Variants in SLCO5A1 observed in about 807,000 individuals in gnomAD.
SLCO5A1 encodes the protein organic anion transporter polypeptide-related protein 4.
A neutral mutation model predicts 65.1 loss-of-function variants in SLCO5A1; 39 were observed. The observed-to-expected ratio is 0.60, with a 90% CI of 0.46 to 0.78. The LOEUF is 0.78. SLCO5A1 is among the 30% of genes least tolerant of loss of function. The pLI is 0.00. For missense variants in SLCO5A1, 1,029 were observed against 1,069.4 expected, an observed-to-expected ratio of 0.96 and a Z score of 0.53; for synonymous variants, 438 against 415.7, an observed-to-expected ratio of 1.05 and a Z score of -0.65.
At chr8:69,801,915 T>G (rs1819755942) in intron 2 of SLCO5A1, among the ~76,000 whole-genome samples, 1 of 152,196 alleles carries the variant, frequency 6.6e-6, no homozygotes, top group Non-Finnish European at 1.5e-5. Flanking sequence ...ATCTTCCACC[T>G]CCAAACTCTG....
intron 2 of SLCO5A1, 122 bp downstream of exon 2, chr8:69,831,645 A>T (rs1821156956): frequency 2.7e-6 from 3 of 1,106,064 alleles, no homozygotes; most frequent in Non-Finnish European, 2.5e-6. Context: ...AACGTAAAAT[A>T]AAGTGAACTT....
At chr8:69,816,242 G>A (rs1328380825) in intron 2 of SLCO5A1, among the ~76,000 whole-genome samples, 1 of 152,066 alleles carries the variant, frequency 6.6e-6, no homozygotes, top group Non-Finnish European at 1.5e-5. Flanking sequence ...TCCTAAACAC[G>A]ATGAAATACC....
intron 2 of SLCO5A1, among the ~76,000 whole-genome samples, chr8:69,791,563 C>T (rs1819270061): frequency 6.6e-6 from 1 of 152,044 alleles, no homozygotes; most frequent in South Asian, 2.1e-4. Flanking sequence ...TCTCTCCTTC[C>T]AAGTCTGCAG....
rs559306475 is a variant in SLCO5A1 at position 69,734,696 on chromosome 8, G to A, written c.1423+3344C>T. Among the ~76,000 whole-genome samples the A allele has an allele frequency of 2.3e-4, 35 of 152,270 alleles. No homozygotes were observed. The South Asian group carries it at 5.8e-3, about 25-fold the overall frequency. On this transcript the variant is annotated intron_variant, in intron 5 of 9. Transcript: ENST00000260126. ...GCTTCCTCTCTATCCATAACACAAC[G>A]CAAACAAATTGCAGTGAAGGTCAGG...
intron 5 of SLCO5A1, among the ~76,000 whole-genome samples, chr8:69,732,150 A>C (rs938614502): frequency 6.6e-6 from 1 of 152,212 alleles, no homozygotes; most frequent in Non-Finnish European, 1.5e-5. Context: ...GCTGTAAATC[A>C]CTTCAACCAA....
At chr8:69,713,193 A>G (rs570490690) in intron 5 of SLCO5A1, among the ~76,000 whole-genome samples, 14 of 152,258 alleles carry the variant, frequency 9.2e-5, no homozygotes, top group African/African-American at 2.9e-4. Context: ...ACAGGCTCTT[A>G]GAATCTTAGA....
chr8:69,675,554 A>G (rs897384091), intron 9 of SLCO5A1, among the ~76,000 whole-genome samples: 5 of 152,150 alleles, frequency 3.3e-5, no homozygotes, highest in Admixed American at 1.3e-4. Context: ...TGATAGCCTC[A>G]GAGTCTTATT....
rs755531160 is a variant in SLCO5A1 at position 69,673,101 on chromosome 8, T to TGCCTCC, written c.2309_2314dup (p.Arg770_Arg771dup). On this transcript the variant is annotated inframe_insertion, in exon 10 of 10. Coordinates refer to ENST00000260126, the MANE Select transcript of SLCO5A1 (RefSeq NM_030958.3). ...CACGGTGCTCAGGGGAAATTCTCTCTGCCTCCGCCTCTGCAGTCCATCCTC... is the reference window on the plus strand; with the variant it reads ...CACGGTGCTCAGGGGAAATTCTCTCTGCCTCCGCCTCCGCCTCTGCAGTCCATCCTC... 1 of 1,614,256 alleles carries TGCCTCC rather than the reference T, an allele frequency of 6.2e-7. No homozygotes were observed. Among genetic ancestry groups the TGCCTCC allele is most frequent in the Non-Finnish European group, 8.5e-7 (1 of 1,180,042 alleles).
intron 9 of SLCO5A1, among the ~76,000 whole-genome samples, chr8:69,674,415 C>T (rs1813464545): frequency 6.6e-6 from 1 of 152,024 alleles, no homozygotes; most frequent in South Asian, 2.1e-4. Context: ...GTGAGTGATA[C>T]GTTTTAAATA....
At chr8:69,682,885 T>C (rs1373484286) in intron 6 of SLCO5A1, among the ~76,000 whole-genome samples, 1 of 152,152 alleles carries the variant, frequency 6.6e-6, no homozygotes, top group African/African-American at 2.4e-5. Flanking sequence ...CTCTAGACAA[T>C]CAAAATGAAG....
At chr8:69,834,481 C>T (rs2130934435) in intron 1 of SLCO5A1, among the ~76,000 whole-genome samples, 1 of 152,304 alleles carries the variant, frequency 6.6e-6, no homozygotes, top group East Asian at 1.9e-4. Flanking sequence ...GCCAGCCACT[C>T]ACAATCCCGG....
intron 6 of SLCO5A1, among the ~76,000 whole-genome samples, chr8:69,688,617 T>G (rs1179575331): frequency 6.6e-6 from 1 of 152,050 alleles, no homozygotes; most frequent in Non-Finnish European, 1.5e-5. Flanking sequence ...GATAGTTTAC[T>G]GAGAATGATG....
chr8:69,749,545 G>A (rs934049732), intron 4 of SLCO5A1, among the ~76,000 whole-genome samples: 7 of 151,964 alleles, frequency 4.6e-5, no homozygotes, highest in African/African-American at 1.7e-4. Context: ...TTGAGCCTTG[G>A]AGGCGGAGGT....
At chr8:69,741,135 T>C (rs1816773301) in intron 4 of SLCO5A1, among the ~76,000 whole-genome samples, 1 of 152,204 alleles carries the variant, frequency 6.6e-6, no homozygotes, top group South Asian at 2.1e-4. Flanking sequence ...CTTTGCATTT[T>C]TGTACTTTTT....
At chr8:69,726,983 T>A (rs892726755) in intron 5 of SLCO5A1, among the ~76,000 whole-genome samples, 3 of 152,204 alleles carry the variant, frequency 2.0e-5, no homozygotes, top group African/African-American at 7.2e-5. Context: ...TACTAATAGC[T>A]ACTTTCCAGG....
intron 2 of SLCO5A1, among the ~76,000 whole-genome samples, chr8:69,808,014 G>T (rs573139690): frequency 6.6e-6 from 1 of 152,134 alleles, no homozygotes; most frequent in East Asian, 1.9e-4. Flanking sequence ...AGAATTTCCT[G>T]GTTTTTAAGG....
intron 2 of SLCO5A1, among the ~76,000 whole-genome samples, chr8:69,828,386 A>G (rs1025695375): frequency 6.6e-6 from 1 of 152,106 alleles, no homozygotes; most frequent in Non-Finnish European, 1.5e-5. Flanking sequence ...GTGGATCACG[A>G]GGTCAGGAGA....
At chr8:69,686,758 C>T (rs1391919524) in intron 6 of SLCO5A1, among the ~76,000 whole-genome samples, 2 of 152,168 alleles carry the variant, frequency 1.3e-5, no homozygotes, top group Admixed American at 6.5e-5. Flanking sequence ...TAGTTTTACT[C>T]CTCTAGCACA....
At chr8:69,725,566 G>A (rs1816025392) in intron 5 of SLCO5A1, among the ~76,000 whole-genome samples, 1 of 152,150 alleles carries the variant, frequency 6.6e-6, no homozygotes, top group Non-Finnish European at 1.5e-5. Flanking sequence ...TGATTAACTT[G>A]AATGCCTGGA....
Sources: gnomAD v4.1 joint callset for allele counts (sites outside exome capture counted in the v4.1 genomes callset) on GRCh38, gnomAD v4.1.1 for gene constraint, MANE v1.5 for transcripts, NCBI Gene and HGNC (gene_info 2026-07-23, HGNC 2026-07-21) for gene names.